Variants in PFN2 observed in about 807,000 individuals in gnomAD.
PFN2 encodes the protein profilin 2, also known as profilin-2.
PFN2 carries 8 observed loss-of-function variants against 15.3 expected under a neutral mutation model. The ratio of observed to expected loss-of-function variants is 0.52; its 90% CI spans 0.31 to 0.95. The LOEUF (loss-of-function observed/expected upper bound fraction) is 0.95. Ranked by LOEUF, PFN2 falls within the 40% of genes least tolerant of loss-of-function variation. The pLI, the probability that PFN2 is intolerant of heterozygous loss-of-function variation, is 0.05. For missense variants in PFN2, 111 were observed against 182.3 expected, an observed-to-expected ratio of 0.61 and a Z score of 2.25; for synonymous variants, 79 against 67.9, an observed-to-expected ratio of 1.16 and a Z score of -0.81.
intron 1 of PFN2, among the ~76,000 whole-genome samples, chr3:149,970,024 T>C (rs2108631427): frequency 6.6e-6 from 1 of 150,440 alleles, no homozygotes; most frequent in East Asian, 2.0e-4. Context: ...GAGAAATCAA[T>C]GGCAGTTCGC....
At chr3:149,969,288 G>GA (rs754101861) in intron 1 of PFN2, among the ~76,000 whole-genome samples, 1 of 152,194 alleles carries the variant, frequency 6.6e-6, no homozygotes, top group African/African-American at 2.4e-5. Flanking sequence ...GATTGGGAAA[G>GA]AAACTGAGGT....
Position 149,965,077 on chromosome 3 carries a change from T to A in PFN2, c.*1412A>T. ...GATTTGTTTTTAAATCTGTACATTATCCACAAGGCCCAAACAATAGAAGCA... is the reference window on the plus strand; with the variant it reads ...GATTTGTTTTTAAATCTGTACATTAACCACAAGGCCCAAACAATAGAAGCA... On this transcript the variant is annotated 3_prime_UTR_variant, in exon 3 of 3. Coordinates refer to ENST00000239940, the MANE Select transcript of PFN2 (RefSeq NM_053024.4). 1 of 622,938 alleles carries A rather than the reference T, an allele frequency of 1.6e-6. No homozygotes were observed. The allele number at this position is 622,938 out of a possible 1,614,324, so 38.6% of individuals were successfully genotyped here. A position where few individuals can be genotyped will look rare whatever the true frequency, so the allele number is the denominator to read the frequency against.
intron 2 of PFN2, 149 bp downstream of exon 2, chr3:149,968,209 T>A: frequency 3.0e-6 from 2 of 656,196 alleles, no homozygotes; most frequent in Non-Finnish European, 5.3e-6. Flanking sequence ...TAGGTAAAAC[T>A]AAAGCAGTGC....
At position 149,966,596 on chromosome 3, in the gene PFN2, AAAG is replaced by A. The variant is rs766150807; in HGVS notation, c.326-13_326-11del. The A allele has an allele frequency of 1.9e-6, 3 of 1,589,082 alleles. No individual in the cohort carries two copies. The highest frequency in any genetic ancestry group is 2.6e-6 in the Non-Finnish European group (3 of 1,159,974). ...ATTACAAAGACCAAGACTGAAAGAG[AAAG>A]AAGAAAAGTGTTTCAAAAGAAGTGT... On this transcript the variant is annotated splice_polypyrimidine_tract_variant and intron_variant, in intron 2 of 2. Transcript: ENST00000239940.
At chr3:149,970,273 C>T (rs1323353337) in intron 1 of PFN2, 4 of 152,398 alleles carry the variant, frequency 2.6e-5, no homozygotes, top group Non-Finnish European at 5.9e-5. Flanking sequence ...GCCAGAGAGC[C>T]TAGGGACCTC....
intron 2 of PFN2, among the ~76,000 whole-genome samples, chr3:149,966,819 T>C (rs1722706672): frequency 6.6e-6 from 1 of 152,058 alleles, no homozygotes; most frequent in Non-Finnish European, 1.5e-5. Context: ...GCAAAAGTTC[T>C]ATACAACTAT....
chr3:149,968,548 T>C lies in PFN2; in HGVS notation c.135A>G (p.Pro45=), dbSNP rs759224849. ...TAGGVFQSIT[P]IEIDMIVGKD... ...TTCCTACAATCATATCTATTTCTATTGGCTGCCCCCCACCAAAAAGAAAAA... is the reference window on the plus strand; with the variant it reads ...TTCCTACAATCATATCTATTTCTATCGGCTGCCCCCCACCAAAAAGAAAAA... The change falls in exon 2 of 3, where the codon CCA becomes CCG. Residue 45 remains proline, a splice_region_variant and synonymous_variant. Transcript: ENST00000239940. 2 of 1,575,868 alleles carry C rather than the reference T, an allele frequency of 1.3e-6. No individual in the cohort carries two copies. Among genetic ancestry groups the C allele is most frequent in the Non-Finnish European group, 1.7e-6 (2 of 1,168,434 alleles).
At chr3:149,967,446 C>G (rs13065732) in intron 2 of PFN2, among the ~76,000 whole-genome samples, 49,585 of 152,076 alleles carry the variant, frequency 0.33, 9,728 homozygotes, top group East Asian at 0.61. Flanking sequence ...CACCAGAATA[C>G]GAGTAACTTT....
chr3:149,965,079 C>A lies in PFN2; in HGVS notation c.*1410G>T, dbSNP rs1009607086. ...TTTGTTTTTAAATCTGTACATTATC[C>A]ACAAGGCCCAAACAATAGAAGCAAA... On this transcript the variant is annotated 3_prime_UTR_variant, in exon 3 of 3. Coordinates refer to ENST00000239940, the MANE Select transcript of PFN2 (RefSeq NM_053024.4). 1 of 623,690 alleles carries A rather than the reference C, an allele frequency of 1.6e-6. No homozygotes were observed. 38.6% of individuals were successfully genotyped at this position (623,690 alleles called of 1,614,324 possible). A position where few individuals can be genotyped will look rare whatever the true frequency, so the allele number is the denominator to read the frequency against.
intron 2 of PFN2, chr3:149,968,089 G>A (rs1722741383): frequency 5.8e-6 from 2 of 347,420 alleles, no homozygotes; most frequent in South Asian, 1.7e-4. Flanking sequence ...GACATGTCAA[G>A]CAGTTTAAGA....
chr3:149,966,684 A>G (rs904305316), intron 2 of PFN2, 98 bp from the exon 3 acceptor site: 5 of 927,876 alleles, frequency 5.4e-6, no homozygotes, highest in Non-Finnish European at 8.5e-6. Flanking sequence ...GTTAACATTA[A>G]GTTAGTTTTC....
At position 149,966,599 on chromosome 3, in the gene PFN2, G is replaced by A. The variant is rs764416828; in HGVS notation, c.326-13C>T. The A allele has an allele frequency of 6.3e-7, 1 of 1,584,928 alleles. No homozygotes were observed. Among genetic ancestry groups the A allele is most frequent in the Non-Finnish European group, 8.6e-7 (1 of 1,156,482 alleles). ...ACAAAGACCAAGACTGAAAGAGAAA[G>A]AAGAAAAGTGTTTCAAAAGAAGTGT... is the stretch of plus-strand genomic sequence containing the variant. On this transcript the variant is annotated splice_polypyrimidine_tract_variant and intron_variant, in intron 2 of 2. Coordinates refer to ENST00000239940, the MANE Select transcript of PFN2 (RefSeq NM_053024.4).
chr3:149,965,149 A>G lies in PFN2; in HGVS notation c.*1340T>C. 8.2e-7 allele frequency: 1 copy of G among 1,222,534 alleles called. No homozygotes were observed. Among genetic ancestry groups the G allele is most frequent in the Non-Finnish European group, 1.1e-6 (1 of 894,008 alleles). The allele number at this position is 1,222,534 out of a possible 1,614,324, so 75.7% of individuals were successfully genotyped here. A position where few individuals can be genotyped will look rare whatever the true frequency, so the allele number is the denominator to read the frequency against. ...TAGTGCCATTCGAAAGAAACCCTTA[A>G]TAGGTCAGTTAAAATCCATCTCACA... On this transcript the variant is annotated 3_prime_UTR_variant, in exon 3 of 3. Transcript: ENST00000239940.
At position 149,966,185 on chromosome 3, in the gene PFN2, C is replaced by G; in HGVS notation, c.*304G>C. 2 of 1,613,646 alleles carry G rather than the reference C, an allele frequency of 1.2e-6. No individual in the cohort carries two copies. Among genetic ancestry groups the G allele is most frequent in the Non-Finnish European group, 1.7e-6 (2 of 1,179,652 alleles). ...AGGCTGCTTACACATCAGACCTCCT[C>G]AGGTATAAAGCGAGTTCATATGCTT... On this transcript the variant is annotated 3_prime_UTR_variant, in exon 3 of 3. Coordinates refer to ENST00000239940, the MANE Select transcript of PFN2 (RefSeq NM_053024.4).
Position 149,965,754 on chromosome 3 carries a change from T to G in PFN2, c.*735A>C. On this transcript the variant is annotated 3_prime_UTR_variant, in exon 3 of 3. Transcript: ENST00000239940. ...AAGAGTGAAGGAATGATGCATGCAC[T>G]TTTTCCTCCCAACCATGCGCTACAA... The G allele has an allele frequency of 9.6e-7, 1 of 1,045,652 alleles. No individual in the cohort carries two copies. Among genetic ancestry groups the G allele is most frequent in the African/African-American group, 1.7e-5 (1 of 59,184 alleles). The allele number at this position is 1,045,652 out of a possible 1,614,324, so 64.8% of individuals were successfully genotyped here.
In PFN2 at chr3:149,965,984, G is replaced by A; in HGVS notation, c.*505C>T. On this transcript the variant is annotated 3_prime_UTR_variant, in exon 3 of 3. Coordinates refer to ENST00000239940, the MANE Select transcript of PFN2 (RefSeq NM_053024.4). ...CAAATCATTATTGTGCTGCAATTAT[G>A]TTGCCAGATAAGGGTTGGTTACATA... The A allele has an allele frequency of 1.4e-6, 2 of 1,385,412 alleles. No homozygotes were observed. The highest frequency in any genetic ancestry group is 1.9e-6 in the Non-Finnish European group (2 of 1,073,466). The allele number at this position is 1,385,412 out of a possible 1,614,324, so 85.8% of individuals were successfully genotyped here.
In PFN2 at chr3:149,965,901, T is replaced by C; in HGVS notation, c.*588A>G. 2.3e-6 allele frequency: 3 copies of C among 1,284,830 alleles called. No individual in the cohort carries two copies. The highest frequency in any genetic ancestry group is 2.2e-5 in the South Asian group (1 of 45,582). The allele number at this position is 1,284,830 out of a possible 1,614,324, so 79.6% of individuals were successfully genotyped here. On this transcript the variant is annotated 3_prime_UTR_variant, in exon 3 of 3. Coordinates refer to ENST00000239940, the MANE Select transcript of PFN2 (RefSeq NM_053024.4). ...TAGTAATCAATATCCCATTAATTGC[T>C]AAGACAAAGTGATGCCCAACTTGGC... is the stretch of plus-strand genomic sequence containing the variant.
At chr3:149,967,562 G>A (rs1420006857) in intron 2 of PFN2, among the ~76,000 whole-genome samples, 1 of 152,186 alleles carries the variant, frequency 6.6e-6, no homozygotes, top group Non-Finnish European at 1.5e-5. Flanking sequence ...GATGTGCCAA[G>A]TCAGCTATGT....
chr3:149,970,492 G>C (rs1287125590), intron 1 of PFN2: 2 of 325,436 alleles, frequency 6.1e-6, no homozygotes, highest in Non-Finnish European at 1.1e-5. Flanking sequence ...CGCCCGGCCA[G>C]GGCCAGCAAG....
Sources: allele counts gnomAD v4.1 joint callset (sites outside exome capture counted in the v4.1 genomes callset), GRCh38; gene constraint gnomAD v4.1.1; transcripts MANE v1.5; gene names NCBI Gene and HGNC (gene_info 2026-07-23, HGNC 2026-07-21).